Variants in NPSR1 observed in about 807,000 individuals in gnomAD.
NPSR1 encodes neuropeptide S receptor.
A neutral mutation model predicts 46.9 loss-of-function variants in NPSR1; 48 were observed. The ratio of observed to expected loss-of-function variants is 1.02; its 90% CI spans 0.81 to 1.30. The LOEUF (loss-of-function observed/expected upper bound fraction) is 1.30, where lower values mean the gene tolerates loss of function less well. NPSR1 is among the 50% of genes most tolerant of loss of function. NPSR1 has a pLI of 0.00. For missense variants in NPSR1, 450 were observed against 449.5 expected (o/e 1.00, Z -0.01); for synonymous variants, 176 against 168.1 (o/e 1.05, Z -0.36).
chr7:34,873,187 A>G (rs1020106269), intron 8 of NPSR1, among the ~76,000 whole-genome samples: 1 of 151,754 alleles, frequency 6.6e-6, no homozygotes, highest in African/African-American at 2.4e-5. Context: ...GGACTTCAAT[A>G]TCTCTATCAG....
chr7:34,847,254 C>A (rs1430976477), intron 7 of NPSR1, among the ~76,000 whole-genome samples: 1 of 152,146 alleles, frequency 6.6e-6, no homozygotes, highest in Non-Finnish European at 1.5e-5. Flanking sequence ...GGAAGCCAAA[C>A]TTCTACTCCG....
At chr7:34,850,535 C>T (rs1007098982), downstream of NPSR1, among the ~76,000 whole-genome samples, 6 of 151,818 alleles carry the variant, frequency 4.0e-5, no homozygotes, top group African/African-American at 7.3e-5. Flanking sequence ...CGAGTAGCTG[C>T]GACCACAGGT....
intron 4 of NPSR1, among the ~76,000 whole-genome samples, chr7:34,822,333 A>G (rs1452755066): frequency 6.6e-6 from 1 of 151,908 alleles, no homozygotes; most frequent in Non-Finnish European, 1.5e-5. Context: ...TCTCTGGGAG[A>G]GTCATGGAGC....
chr7:34,792,281 C>T (rs1787915764), intron 3 of NPSR1, among the ~76,000 whole-genome samples: 1 of 151,620 alleles, frequency 6.6e-6, no homozygotes, highest in African/African-American at 2.4e-5. Context: ...AAAAGGTGAC[C>T]TATGGAAAGG....
At chr7:34,783,287 A>G (rs78102970) in intron 3 of NPSR1, among the ~76,000 whole-genome samples, 120 of 152,244 alleles carry the variant, frequency 7.9e-4, no homozygotes, top group African/African-American at 2.2e-3. Flanking sequence ...ACTTATAATC[A>G]TGGTGGAAGG....
Position 34,731,764 on chromosome 7 carries a change from C to G in NPSR1, c.281-46698C>G, listed in dbSNP as rs17169993. Among the ~76,000 whole-genome samples the G allele has an allele frequency of 4.3e-3, 647 of 152,136 alleles. 9 individuals are homozygous for G. In the East Asian group the frequency reaches 0.055, roughly 13 times the overall value. ...AGGGGTTAATAGTGCACAGATAAAT[C>G]TTGAAGGACAAATGAAGTTTTCCAC... is the stretch of plus-strand genomic sequence containing the variant. On this transcript the variant is annotated intron_variant, in intron 2 of 8. Transcript: ENST00000360581.
rs755656882 is a variant in NPSR1 at position 34,707,425 on chromosome 7, T to C, written c.280+22741T>C. 1.4e-4 allele frequency among the ~76,000 whole-genome samples: 22 copies of C among 152,258 alleles called. 1 individual carries two copies. The South Asian group carries it at 2.3e-3, about 16-fold the overall frequency. On this transcript the variant is annotated intron_variant, in intron 2 of 8. Coordinates refer to ENST00000360581, the MANE Select transcript of NPSR1 (RefSeq NM_207172.2). The stretch of plus-strand genomic sequence containing the variant: ...GCCCATGCAGAAGGAATGTAGAAAA[T>C]AGACTATAGTAACAAGCTGACTCCC...
intron 5 of NPSR1, 71 bp from the exon 6 acceptor site, chr7:34,834,313 G>A: frequency 9.0e-7 from 1 of 1,111,982 alleles, no homozygotes; most frequent in Non-Finnish European, 1.4e-6. Context: ...GGAGGTGGGA[G>A]TGGTCTTCTC....
intron 2 of NPSR1, among the ~76,000 whole-genome samples, chr7:34,774,612 G>A (rs1464667094): frequency 6.6e-6 from 1 of 152,194 alleles, no homozygotes; most frequent in Non-Finnish European, 1.5e-5. Context: ...GAAAATGGAT[G>A]GCATTGCTTC....
chr7:34,707,717 G>C (rs931602653), intron 2 of NPSR1, among the ~76,000 whole-genome samples: 1 of 152,194 alleles, frequency 6.6e-6, no homozygotes, highest in African/African-American at 2.4e-5. Flanking sequence ...ATTTGCCTCA[G>C]CAATGCAGCA....
chr7:34,736,048 T>C (rs1021622178), intron 2 of NPSR1, among the ~76,000 whole-genome samples: 11 of 152,240 alleles, frequency 7.2e-5, no homozygotes, highest in African/African-American at 2.7e-4. Context: ...GTTGTTTTGA[T>C]GGTGATAAAA....
chr7:34,791,817 A>T lies in NPSR1; in HGVS notation c.384+13252A>T, dbSNP rs1482298845. 2.0e-5 allele frequency among the ~76,000 whole-genome samples: 3 copies of T among 152,186 alleles called. No homozygotes were observed. In the East Asian group the frequency reaches 5.8e-4, roughly 29 times the overall value. On this transcript the variant is annotated intron_variant, in intron 3 of 8. Coordinates refer to ENST00000360581, the MANE Select transcript of NPSR1 (RefSeq NM_207172.2). ...AAAAATATATTATGAAGCTACAGTA[A>T]TCGAAACAGTGTTGTACTGGCATGA...
intron 3 of NPSR1, among the ~76,000 whole-genome samples, chr7:34,783,561 A>G (rs1444136442): frequency 2.0e-5 from 3 of 152,158 alleles, no homozygotes; most frequent in Admixed American, 6.6e-5. Flanking sequence ...TTATAGAAGG[A>G]GATGAGAGAG....
At chr7:34,834,247 A>G in intron 5 of NPSR1, 137 bp from the exon 6 acceptor site, 1 of 668,818 alleles carries the variant, frequency 1.5e-6, no homozygotes, top group East Asian at 2.6e-5. Context: ...TATGAACAGC[A>G]AGTATAAGGG....
intron 4 of NPSR1, among the ~76,000 whole-genome samples, chr7:34,812,733 T>C (rs1285934476): frequency 6.6e-6 from 1 of 152,208 alleles, no homozygotes; most frequent in Non-Finnish European, 1.5e-5. Flanking sequence ...AGCCATTGTT[T>C]AGCAACCTGT....
chr7:34,849,137 T>G lies in NPSR1; in HGVS notation c.1026-428T>G, dbSNP rs191566844. ...TTTTTCTGCTGTTTTTCAGCTGTTTTCCTGCATAAGCCACAGAGGGTAGGT... is the reference window on the plus strand; with the variant it reads ...TTTTTCTGCTGTTTTTCAGCTGTTTGCCTGCATAAGCCACAGAGGGTAGGT... On this transcript the variant is annotated intron_variant, in intron 8 of 8. Coordinates refer to ENST00000360581, the MANE Select transcript of NPSR1 (RefSeq NM_207172.2). Among the ~76,000 whole-genome samples, 19 of 152,390 alleles carry G rather than the reference T, an allele frequency of 1.2e-4. No homozygotes were observed. The East Asian group carries it at 3.7e-3, about 29-fold the overall frequency.
intron 2 of NPSR1, among the ~76,000 whole-genome samples, chr7:34,732,065 G>A (rs1397152078): frequency 7.9e-6 from 1 of 127,182 alleles, no homozygotes; most frequent in Non-Finnish European, 1.6e-5. Context: ...GGGTGACAGA[G>A]TGAGACTTCA....
chr7:34,707,081 C>T (rs1239330240), intron 2 of NPSR1, among the ~76,000 whole-genome samples: 1 of 152,176 alleles, frequency 6.6e-6, no homozygotes. Context: ...CTTTTTCTTT[C>T]TTAGAAAAAT....
At chr7:34,762,586 A>G (rs1267533732) in intron 2 of NPSR1, among the ~76,000 whole-genome samples, 2 of 152,170 alleles carry the variant, frequency 1.3e-5, no homozygotes, top group East Asian at 3.9e-4. Context: ...AATATCAAAA[A>G]TAGTTTTTTG....
Sources: gnomAD v4.1 joint callset for allele counts (sites outside exome capture counted in the v4.1 genomes callset) on GRCh38, gnomAD v4.1.1 for gene constraint, MANE v1.5 for transcripts, NCBI Gene and HGNC (gene_info 2026-07-23, HGNC 2026-07-21) for gene names.